NCOR2: variants seen among roughly 807,000 people sequenced by gnomAD.
The protein encoded by NCOR2 is CTG repeat protein 26.
In NCOR2, 81 loss-of-function variants were observed where a neutral mutation model predicts 262.9. The ratio of observed to expected loss-of-function variants is 0.31; its 90% CI spans 0.26 to 0.37. NCOR2 has a LOEUF of 0.37. Ranked by LOEUF, NCOR2 falls within the 10% of genes least tolerant of loss-of-function variation. The pLI is 1.00. For synonymous variants in NCOR2, 1,659 were observed against 1,559.3 expected (o/e 1.06, Z -1.51); for missense variants, 3,385 against 3,621.4 (o/e 0.93, Z 1.68).
intron 6 of NCOR2, among the ~76,000 whole-genome samples, chr12:124,451,106 G>A (rs566482149): frequency 2.5e-4 from 38 of 152,380 alleles, no homozygotes; most frequent in African/African-American, 8.2e-4. Flanking sequence ...TTGAAGATGC[G>A]AGTTCGCATT....
intron 38 of NCOR2, 61 bp downstream of exon 40, chr12:124,336,692 T>C (rs1020658539): frequency 6.3e-6 from 10 of 1,588,242 alleles, no homozygotes; most frequent in Admixed American, 1.8e-5. Context: ...CCCTTTATCG[T>C]GAGCAATTTG....
chr12:124,529,615 C>T (rs2050680329), intron 1 of NCOR2: 1 of 152,278 alleles, frequency 6.6e-6, no homozygotes, highest in South Asian at 2.1e-4. Context: ...AGCATAAAGA[C>T]TAGAAAGGAA....
At chr12:124,400,804 G>T in intron 14 of NCOR2, 131 bp from the exon 17 acceptor site, 2 of 1,178,048 alleles carry the variant, frequency 1.7e-6, no homozygotes, top group East Asian at 2.5e-5. Flanking sequence ...CGCTAGGAAA[G>T]AGGGGGAGAG....
intron 22 of NCOR2, among the ~76,000 whole-genome samples, chr12:124,361,145 G>A (rs1243805590): frequency 3.4e-5 from 5 of 146,670 alleles, no homozygotes; most frequent in Admixed American, 3.4e-4. Flanking sequence ...AAAAAAAAGA[G>A]AAGGGGGATG....
chr12:124,543,914 G>A (rs968322559), intron 1 of NCOR2, among the ~76,000 whole-genome samples: 1 of 152,198 alleles, frequency 6.6e-6, no homozygotes, highest in Non-Finnish European at 1.5e-5. Flanking sequence ...CGCTGCCTCC[G>A]CACAATGCTA....
chr12:124,466,213 T>A, exon 5 of NCOR2: 2 of 1,610,578 alleles, frequency 1.2e-6, no homozygotes, highest in Non-Finnish European at 1.7e-6. Context: ...GCTGCGGTGC[T>A]TCGACTCGAT....
intron 6 of NCOR2, among the ~76,000 whole-genome samples, chr12:124,452,636 G>A (rs1005282986): frequency 6.6e-5 from 10 of 152,254 alleles, no homozygotes; most frequent in African/African-American, 2.4e-4. Flanking sequence ...CCCACAGCAC[G>A]CAGCCCTGGG....
At chr12:124,331,355 G>A (rs1017436265) in intron 43 of NCOR2, 8 of 165,086 alleles carry the variant, frequency 4.8e-5, no homozygotes, top group Admixed American at 2.4e-4. Context: ...AAGCCACCGC[G>A]CCTGGCCAAG....
At chr12:124,445,355 T>C (rs2045080822) in intron 7 of NCOR2, among the ~76,000 whole-genome samples, 1 of 152,132 alleles carries the variant, frequency 6.6e-6, no homozygotes, top group Non-Finnish European at 1.5e-5. Context: ...CCCGGTGGTC[T>C]GAGCGCTCCC....
intron 5 of NCOR2, among the ~76,000 whole-genome samples, chr12:124,459,384 C>G (rs771371717): frequency 3.9e-5 from 6 of 152,186 alleles, no homozygotes; most frequent in African/African-American, 7.2e-5. Context: ...CCCACATCCC[C>G]TGCTCCCAGT....
At chr12:124,499,789 C>T (rs1010756138), upstream of NCOR2, among the ~76,000 whole-genome samples, 17 of 152,012 alleles carry the variant, frequency 1.1e-4, no homozygotes, top group South Asian at 2.1e-4. Context: ...AAGGTGGTTG[C>T]GGGGGAGAGT....
intron 6 of NCOR2, among the ~76,000 whole-genome samples, chr12:124,455,405 C>A (rs1210009801): frequency 6.6e-6 from 1 of 152,204 alleles, no homozygotes; most frequent in African/African-American, 2.4e-5. Context: ...GGGCAGAGCC[C>A]TGAAGGGGTG....
intron 13 of NCOR2, among the ~76,000 whole-genome samples, chr12:124,408,446 T>C (rs57824943): frequency 0.094 from 14,268 of 152,164 alleles, 852 homozygotes; most frequent in East Asian, 0.21. Context: ...ACACTTAACC[T>C]TACAATTAAA....
At chr12:124,362,463 T>C (rs1215062851) in intron 21 of NCOR2, among the ~76,000 whole-genome samples, 166 bp from the exon 24 acceptor site, 1 of 151,978 alleles carries the variant, frequency 6.6e-6, no homozygotes, top group Non-Finnish European at 1.5e-5. Context: ...ACAGAGCACA[T>C]GGGGAAGCCC....
At chr12:124,526,499 G>C (rs1175052117) in intron 1 of NCOR2, among the ~76,000 whole-genome samples, 1 of 152,190 alleles carries the variant, frequency 6.6e-6, no homozygotes, top group Non-Finnish European at 1.5e-5. Context: ...ACCATGGAGG[G>C]AACAGGTGTG....
Position 124,389,439 on chromosome 12 carries a change from T to C in NCOR2, c.1877-3552A>G, listed in dbSNP as rs1389144899. Among the ~76,000 whole-genome samples, 2 of 151,778 alleles carry C rather than the reference T, an allele frequency of 1.3e-5. No individual in the cohort carries two copies. The highest frequency in any genetic ancestry group is 4.8e-5 in the African/African-American group (2 of 41,270). On this transcript the variant is annotated intron_variant, in intron 16 of 46. Coordinates refer to ENST00000405201, the Ensembl canonical transcript of NCOR2. The surrounding 1 kb of genome is among the most constrained non-coding windows in gnomAD (Gnocchi z 4.4). ...TTGGCACTGGCTCCCCCTCCCTCTC[T>C]CCCCATCCGCGGCGGTGGCGGCGTC...
intron 8 of NCOR2, among the ~76,000 whole-genome samples, chr12:124,434,885 G>T (rs899379702): frequency 6.6e-6 from 1 of 152,182 alleles, no homozygotes; most frequent in Non-Finnish European, 1.5e-5. Flanking sequence ...TAGGTGGTGG[G>T]TATATAGATG....
At chr12:124,427,637 G>A (rs1408540036) in intron 10 of NCOR2, among the ~76,000 whole-genome samples, 6 of 152,182 alleles carry the variant, frequency 3.9e-5, no homozygotes, top group South Asian at 2.1e-4. Flanking sequence ...CTCTGACCCC[G>A]GGGTGGGAGA....
intron 2 of NCOR2, among the ~76,000 whole-genome samples, chr12:124,484,077 C>T (rs952416602): frequency 6.6e-6 from 1 of 152,172 alleles, no homozygotes; most frequent in East Asian, 1.9e-4. Flanking sequence ...ACCGTCCCCA[C>T]CTGGGGCTGG....
Sources: allele counts gnomAD v4.1 joint callset (sites outside exome capture counted in the v4.1 genomes callset), GRCh38; gene constraint gnomAD v4.1.1; non-coding constraint Gnocchi (gnomAD v3.1); transcripts MANE v1.5; gene names NCBI Gene and HGNC (gene_info 2026-07-23, HGNC 2026-07-21).